STAT4: variants seen among roughly 807,000 people sequenced by gnomAD.
STAT4 encodes signal transducer and activator of transcription 4.
A neutral mutation model predicts 110.5 loss-of-function variants in STAT4; 42 were observed. That is an observed-to-expected ratio of 0.38 (90% CI 0.30 to 0.49). The LOEUF (loss-of-function observed/expected upper bound fraction) is 0.49, where lower values mean the gene tolerates loss of function less well. Ranked by LOEUF, STAT4 falls within the 20% of genes least tolerant of loss-of-function variation. The pLI is 0.95. For missense variants in STAT4, 632 were observed against 887.9 expected, an observed-to-expected ratio of 0.71 and a Z score of 3.66; for synonymous variants, 284 against 302.2, an observed-to-expected ratio of 0.94 and a Z score of 0.63.
intron 5 of STAT4, among the ~76,000 whole-genome samples, 156 bp from the exon 6 acceptor site, chr2:191,069,927 T>C (rs1436627084): frequency 1.3e-5 from 2 of 152,220 alleles, no homozygotes; most frequent in Non-Finnish European, 2.9e-5. Context: ...CTAATTCATA[T>C]AAAAGTTGGA....
At chr2:191,087,729 G>C (rs1034022075) in intron 3 of STAT4, among the ~76,000 whole-genome samples, 1 of 151,946 alleles carries the variant, frequency 6.6e-6, no homozygotes, top group Non-Finnish European at 1.5e-5. Flanking sequence ...GAATCAAAAG[G>C]TTATGTCTAC....
rs989051121 is a variant in STAT4, at chr2:191,035,539, C to A, written c.1570+625G>T. 6.6e-6 allele frequency among the ~76,000 whole-genome samples: 1 copy of A among 152,186 alleles called. No individual in the cohort carries two copies. Among genetic ancestry groups the A allele is most frequent in the Admixed American group, 6.5e-5 (1 of 15,284 alleles). On this transcript the variant is annotated intron_variant, in intron 17 of 23. Transcript: ENST00000392320. This position sits in a 1 kb window ranked among gnomAD's most constrained non-coding sequence, Gnocchi z 4.7. ...TGTTAAACCCTGACTTGTCAAAATA[C>A]AGATCTCTTAGAGACTTTTTAGAAA...
rs1302479885 is a variant in STAT4, at chr2:191,058,759, T to G, written c.1045A>C (p.Lys349Gln). 2 of 1,584,714 alleles carry G rather than the reference T, an allele frequency of 1.3e-6. No individual in the cohort carries two copies. The highest frequency in any genetic ancestry group is 1.7e-6 in the Non-Finnish European group (2 of 1,161,500). The change falls in exon 11 of 24, where the codon AAA becomes CAA. Residue 349 changes from lysine to glutamine, a missense_variant. Coordinates refer to ENST00000392320, the MANE Select transcript of STAT4 (RefSeq NM_003151.4). The surrounding 1 kb of genome is among the most constrained non-coding windows in gnomAD (Gnocchi z 4.3). ...ACCTGATAGTTTAGTTCTGGCAATT[T>G]TATTAGTAGCCTGGAAAGAGATATC... is the stretch of plus-strand genomic sequence containing the variant. ...QFTVKLRLLI[K>Q]LPELNYQVKV...
In STAT4 at chr2:191,061,770, C is replaced by T. The variant is rs559315611; in HGVS notation, c.993G>A (p.Pro331=). 6.4e-5 allele frequency: 103 copies of T among 1,613,548 alleles called. No homozygotes were observed. Among genetic ancestry groups the T allele is most frequent in the Admixed American group, 2.3e-4 (14 of 59,874 alleles). Residue 331 remains proline, a synonymous_variant, in exon 10 of 24, where the codon CCG becomes CCA. Coordinates refer to ENST00000392320, the MANE Select transcript of STAT4 (RefSeq NM_003151.4). This position sits in a 1 kb window ranked among gnomAD's most constrained non-coding sequence, Gnocchi z 6.2. ...ACTGAATTAGGGTTTTAAGTACCAA[C>T]GGCCTCTGAGGGTGGGTTGGCATAC... ...QPCMPTHPQR[P]LVLKTLIQFT... is the part of the protein sequence containing the mutation.
intron 14 of STAT4, among the ~76,000 whole-genome samples, chr2:191,045,980 G>T (rs540525883): frequency 9.3e-4 from 141 of 152,302 alleles, no homozygotes; most frequent in African/African-American, 3.2e-3. Flanking sequence ...CGGACTAGTT[G>T]TCTTGAGTAT....
rs1207094276 is a variant in STAT4 at position 191,116,270 on chromosome 2, C to T, written c.273+30343G>A. Among the ~76,000 whole-genome samples the T allele has an allele frequency of 6.6e-6, 1 of 152,210 alleles. No individual in the cohort carries two copies. Among genetic ancestry groups the T allele is most frequent in the Non-Finnish European group, 1.5e-5 (1 of 68,028 alleles). On this transcript the variant is annotated intron_variant, in intron 3 of 23. Coordinates refer to ENST00000392320, the MANE Select transcript of STAT4 (RefSeq NM_003151.4). The surrounding 1 kb of genome is among the most constrained non-coding windows in gnomAD (Gnocchi z 4.1). ...CAGTGCTTTTACACCTATGATACGA[C>T]ACCACCTTCTCTGCAGAATCATATC...
intron 4 of STAT4, among the ~76,000 whole-genome samples, chr2:191,075,466 G>A (rs962096505): frequency 2.6e-5 from 4 of 152,162 alleles, no homozygotes; most frequent in Admixed American, 6.5e-5. Flanking sequence ...CCTGCTCACG[G>A]ACTGGTTTAC....
chr2:191,044,830 A>T (rs1381748594), intron 14 of STAT4, among the ~76,000 whole-genome samples: 1 of 152,180 alleles, frequency 6.6e-6, no homozygotes, highest in Non-Finnish European at 1.5e-5. Context: ...TCTGATGGAA[A>T]GTTTGGGGCT....
At chr2:191,114,036 G>A (rs2125370568) in intron 3 of STAT4, among the ~76,000 whole-genome samples, 1 of 152,266 alleles carries the variant, frequency 6.6e-6, no homozygotes, top group African/African-American at 2.4e-5. Context: ...TATACAGGAA[G>A]CTGCTGTTAT....
rs1698085602 is a variant in STAT4 at position 191,099,061 on chromosome 2, G to C, written c.274-22736C>G. Among the ~76,000 whole-genome samples, 1 of 151,794 alleles carries C rather than the reference G, an allele frequency of 6.6e-6. No homozygotes were observed. The highest frequency in any genetic ancestry group is 2.1e-4 in the South Asian group (1 of 4,820). On this transcript the variant is annotated intron_variant, in intron 3 of 23. Coordinates refer to ENST00000392320, the MANE Select transcript of STAT4 (RefSeq NM_003151.4). The surrounding 1 kb of genome is among the most constrained non-coding windows in gnomAD (Gnocchi z 4.1). ...ATGCCTGATAGAAGGAAGTGAATGG[G>C]AAATTCACAAAAGAATACATCCAAA...
At chr2:191,093,121 G>A (rs543629917) in intron 3 of STAT4, among the ~76,000 whole-genome samples, 19 of 152,214 alleles carry the variant, frequency 1.2e-4, no homozygotes, top group Admixed American at 2.6e-4. Context: ...GGGGCAGGGC[G>A]TAGATGAACA....
intron 3 of STAT4, among the ~76,000 whole-genome samples, chr2:191,085,086 G>A (rs1348160732): frequency 1.3e-5 from 2 of 150,128 alleles, no homozygotes; most frequent in Admixed American, 1.3e-4. Context: ...GAAAGATTTT[G>A]TTGGCCTCAT....
At chr2:191,040,649 C>T (rs565172703) in intron 15 of STAT4, among the ~76,000 whole-genome samples, 2 of 152,280 alleles carry the variant, frequency 1.3e-5, no homozygotes, top group East Asian at 3.9e-4. Context: ...GCAGCCTCCA[C>T]CTCCTGGGCT....
Position 191,139,047 on chromosome 2 carries a change from C to A in STAT4, c.273+7566G>T, listed in dbSNP as rs561884691. ...TGCAGAAAAAGTCTTTGATAAAATC[C>A]AGCATCCCTTTATGATAAAAAACCC... On this transcript the variant is annotated intron_variant, in intron 3 of 23. Coordinates refer to ENST00000392320, the MANE Select transcript of STAT4 (RefSeq NM_003151.4). Among the ~76,000 whole-genome samples, 265 of 151,746 alleles carry A rather than the reference C, an allele frequency of 1.7e-3. 1 individual carries two copies. Among genetic ancestry groups the A allele is most frequent in the African/African-American group, 6.4e-3 (265 of 41,366 alleles).
intron 3 of STAT4, among the ~76,000 whole-genome samples, chr2:191,108,029 G>A (rs761441068): frequency 3.3e-5 from 5 of 152,062 alleles, no homozygotes; most frequent in Non-Finnish European, 5.9e-5. Flanking sequence ...GGGGGCTCAC[G>A]TCTGTAATCC....
intron 3 of STAT4, among the ~76,000 whole-genome samples, chr2:191,079,385 C>G (rs180732557): frequency 6.6e-6 from 1 of 151,920 alleles, no homozygotes; most frequent in East Asian, 1.9e-4. Flanking sequence ...ACATTATAAT[C>G]TTATATGTGT....
rs778746717 is a variant in STAT4, at chr2:191,064,799, C to T, written c.782+8G>A. On this transcript the variant is annotated splice_region_variant and intron_variant, in intron 8 of 23. Coordinates refer to ENST00000392320, the MANE Select transcript of STAT4 (RefSeq NM_003151.4). ...TTTTCACTAGAAACTGCAGTCGATT[C>T]GTTTTACCAGTTCTGAAGCTGGTCG... 24 of 1,603,752 alleles carry T rather than the reference C, an allele frequency of 1.5e-5. No individual in the cohort carries two copies. Among genetic ancestry groups the T allele is most frequent in the Admixed American group, 1.2e-4 (7 of 57,450 alleles).
Position 191,097,429 on chromosome 2 carries a change from C to T in STAT4, c.274-21104G>A, listed in dbSNP as rs531135332. Among the ~76,000 whole-genome samples the T allele has an allele frequency of 4.6e-5, 7 of 152,164 alleles. No homozygotes were observed. The East Asian group carries it at 1.2e-3, about 25-fold the overall frequency. ...ACTGGTACCAAAACAGAGATATAGA[C>T]CAATGGAACAGAACAGAGGCCTCAG... On this transcript the variant is annotated intron_variant, in intron 3 of 23. Transcript: ENST00000392320.
rs1574689538 is a variant in STAT4, at chr2:191,031,136, C to T, written c.2112-56G>A. The T allele has an allele frequency of 3.3e-5, 51 of 1,548,604 alleles. No individual in the cohort carries two copies. The East Asian group carries it at 7.6e-4, about 23-fold the overall frequency. On this transcript the variant is annotated intron_variant, in intron 22 of 23. Transcript: ENST00000392320. The surrounding 1 kb of genome is among the most constrained non-coding windows in gnomAD (Gnocchi z 4.8). ...AGGATTAAAAAATAATAATAGTTCACGGTGACTTACTATGTCAGGAACTCA... is the reference window on the plus strand; with the variant it reads ...AGGATTAAAAAATAATAATAGTTCATGGTGACTTACTATGTCAGGAACTCA...
Sources: gnomAD v4.1 joint callset for allele counts (sites outside exome capture counted in the v4.1 genomes callset) on GRCh38, gnomAD v4.1.1 for gene constraint, Gnocchi (gnomAD v3.1) non-coding constraint, MANE v1.5 for transcripts, NCBI Gene and HGNC (gene_info 2026-07-23, HGNC 2026-07-21) for gene names.